The following ITFG1 variants were observed in gnomAD, a reference collection of about 807,000 sequenced individuals.
ITFG1 encodes integrin alpha FG-GAP repeat containing 1.
ITFG1 carries 34 observed loss-of-function variants against 81.8 expected under a neutral mutation model. The observed-to-expected ratio is 0.42, with a 90% confidence interval of 0.32 to 0.55. The LOEUF is 0.55. Ranked by LOEUF, ITFG1 falls within the 20% of genes least tolerant of loss-of-function variation. ITFG1 has a pLI of 0.17. For missense variants in ITFG1, 672 were observed against 755.4 expected, an observed-to-expected ratio of 0.89 and a Z score of 1.29; for synonymous variants, 285 against 270.6, an observed-to-expected ratio of 1.05 and a Z score of -0.52.
chr16:47,438,171 A>T (rs562940162), intron 5 of ITFG1, among the ~76,000 whole-genome samples: 3 of 152,268 alleles, frequency 2.0e-5, no homozygotes, highest in East Asian at 3.9e-4. Context: ...GAGTAGGTAA[A>T]CAAAGCGTCC....
Position 47,288,617 on chromosome 16 carries a change from C to CT in ITFG1, c.1070+22622dup, listed in dbSNP as rs569048660. On this transcript the variant is annotated intron_variant, in intron 10 of 17. Transcript: ENST00000320640. ...CTCAACAGCATTTACTTTTGGTTTT[C>CT]TTTTTTTTTTGAGACAAAGTCTCGC... Among the ~76,000 whole-genome samples, 841 of 149,204 alleles carry CT rather than the reference C, an allele frequency of 5.6e-3. 4 individuals carry two copies. The highest frequency in any genetic ancestry group is 8.4e-3 in the Non-Finnish European group (560 of 67,034).
chr16:47,351,488 G>A (rs1967954020), intron 8 of ITFG1, among the ~76,000 whole-genome samples: 1 of 152,070 alleles, frequency 6.6e-6, no homozygotes, highest in Admixed American at 6.5e-5. Flanking sequence ...AAAATACCTA[G>A]GAATCCAACT....
intron 14 of ITFG1, among the ~76,000 whole-genome samples, chr16:47,170,114 A>G (rs907967179): frequency 3.3e-5 from 5 of 152,172 alleles, no homozygotes; most frequent in African/African-American, 9.7e-5. Flanking sequence ...TTTTGTATCA[A>G]TATTCATATG....
intron 14 of ITFG1, 55 bp downstream of exon 14, chr16:47,218,813 T>C: frequency 9.4e-7 from 1 of 1,063,278 alleles, no homozygotes; most frequent in East Asian, 2.6e-5. Context: ...TTTACCTTGC[T>C]AATATATTGA....
chr16:47,310,743 G>T (rs923326305), intron 10 of ITFG1, among the ~76,000 whole-genome samples: 11 of 152,094 alleles, frequency 7.2e-5, no homozygotes, highest in African/African-American at 2.4e-4. Context: ...CTTTCTAAGT[G>T]GTTCATTTAC....
intron 13 of ITFG1, among the ~76,000 whole-genome samples, chr16:47,229,911 A>G (rs1965797233): frequency 6.6e-6 from 1 of 152,202 alleles, no homozygotes; most frequent in South Asian, 2.1e-4. Flanking sequence ...CAATACCATA[A>G]TGTATTTTGA....
chr16:47,444,786 C>T (rs1969301797), intron 5 of ITFG1, among the ~76,000 whole-genome samples: 1 of 152,116 alleles, frequency 6.6e-6, no homozygotes, highest in African/African-American at 2.4e-5. Flanking sequence ...AATCATTTTA[C>T]CTTCCAAAAT....
chr16:47,212,398 G>A (rs1458876348), intron 14 of ITFG1, among the ~76,000 whole-genome samples: 2 of 151,880 alleles, frequency 1.3e-5, no homozygotes, highest in East Asian at 3.9e-4. Context: ...AAATTTTTTT[G>A]TAGACACAGG....
chr16:47,322,687 C>T (rs1295024623), intron 8 of ITFG1, among the ~76,000 whole-genome samples: 2 of 152,198 alleles, frequency 1.3e-5, no homozygotes, highest in African/African-American at 4.8e-5. Flanking sequence ...GAGACTCTGT[C>T]TCACACACAC....
intron 8 of ITFG1, among the ~76,000 whole-genome samples, chr16:47,314,904 G>A (rs1360361675): frequency 6.6e-6 from 1 of 151,772 alleles, no homozygotes; most frequent in Non-Finnish European, 1.5e-5. Flanking sequence ...TACGTACTGA[G>A]AGCTATGTAG....
chr16:47,315,041 A>G (rs952320679), intron 8 of ITFG1, among the ~76,000 whole-genome samples: 1 of 152,176 alleles, frequency 6.6e-6, no homozygotes, highest in African/African-American at 2.4e-5. Context: ...AATGCACAAC[A>G]AAGTAAAAAA....
rs7186433 is a variant in ITFG1 at position 47,288,368 on chromosome 16, A to G, written c.1070+22872T>C. Among the ~76,000 whole-genome samples, 537 of 152,310 alleles carry G rather than the reference A, an allele frequency of 3.5e-3. 1 individual carries two copies. The highest frequency in any genetic ancestry group is 0.012 in the African/African-American group (493 of 41,562). ...CTTGATGAATAGTTAGGTTCATTTAATATCTTGGTTATTGTGAACAGAGCT... is the reference window on the plus strand; with the variant it reads ...CTTGATGAATAGTTAGGTTCATTTAGTATCTTGGTTATTGTGAACAGAGCT... On this transcript the variant is annotated intron_variant, in intron 10 of 17. Transcript: ENST00000320640.
At chr16:47,430,855 AC>A (rs1969086755) in intron 5 of ITFG1, among the ~76,000 whole-genome samples, 2 of 152,238 alleles carry the variant, frequency 1.3e-5, no homozygotes, top group Non-Finnish European at 2.9e-5. Flanking sequence ...AAGTAAACAA[AC>A]AAATACTTGA....
intron 10 of ITFG1, among the ~76,000 whole-genome samples, chr16:47,301,842 A>T (rs1239126711): frequency 6.6e-6 from 1 of 152,218 alleles, no homozygotes; most frequent in Non-Finnish European, 1.5e-5. Context: ...GTCCTACTTA[A>T]AATTTTGTTT....
At chr16:47,391,923 G>A (rs1968536465) in intron 6 of ITFG1, among the ~76,000 whole-genome samples, 1 of 152,020 alleles carries the variant, frequency 6.6e-6, no homozygotes, top group Admixed American at 6.5e-5. Flanking sequence ...ATATTTATTG[G>A]GTGCTTAATA....
chr16:47,237,682 G>A (rs777508888), intron 13 of ITFG1, among the ~76,000 whole-genome samples: 3 of 152,134 alleles, frequency 2.0e-5, no homozygotes, highest in Non-Finnish European at 4.4e-5. Flanking sequence ...ATCTAAACAA[G>A]TGTAATGAAA....
In ITFG1 at chr16:47,260,681, A is replaced by G. The variant is rs1301284350; in HGVS notation, c.1085T>C (p.Phe362Ser). 1 of 1,614,192 alleles carries G rather than the reference A, an allele frequency of 6.2e-7. No individual in the cohort carries two copies. The highest frequency in any genetic ancestry group is 8.5e-7 in the Non-Finnish European group (1 of 1,180,024). The change falls in exon 11 of 18, where the codon TTT (phenylalanine) becomes TCT (serine). Residue 362 changes from phenylalanine (F) to serine (S), a missense_variant. By Grantham distance (155) the Phe-to-Ser change is radical (BLOSUM62 -2). This residue lies in a region of ITFG1 where 560 missense variants were observed against 625.7 expected (regional missense o/e 0.90). Coordinates refer to ENST00000320640, the MANE Select transcript of ITFG1 (RefSeq NM_030790.5). The part of the protein sequence containing the change: ...KNTSGSNQQA[F>S]LLENVPCNNA... The stretch of plus-strand genomic sequence containing the variant: ...ATTACAAGGGACGTTCTCCAGTAAA[A>G]AGGCCTGCTGGTTGCTGTGCGCCAA...
intron 10 of ITFG1, among the ~76,000 whole-genome samples, chr16:47,280,961 T>C (rs957403733): frequency 6.6e-6 from 1 of 152,174 alleles, no homozygotes; most frequent in Admixed American, 6.6e-5. Flanking sequence ...TACCCTAATG[T>C]ACCTCTTCAT....
chr16:47,193,001 T>C (rs984600099), intron 14 of ITFG1, among the ~76,000 whole-genome samples: 1 of 152,146 alleles, frequency 6.6e-6, no homozygotes, highest in African/African-American at 2.4e-5. Context: ...TGTGATTCTC[T>C]GTATTTGTCT....
Sources: gnomAD v4.1 joint callset for allele counts (sites outside exome capture counted in the v4.1 genomes callset) on GRCh38, gnomAD v4.1.1 for gene constraint, gnomAD v4.1.1 regional missense constraint, MANE v1.5 for transcripts, NCBI Gene and HGNC (gene_info 2026-07-23, HGNC 2026-07-21) for gene names.